Variants in PRKAR2B observed in about 807,000 individuals in gnomAD.
PRKAR2B encodes the protein protein kinase cAMP-dependent type II regulatory subunit beta.
Under a neutral mutation model 49.9 loss-of-function variants are expected in PRKAR2B, and 14 were observed. The observed-to-expected ratio is 0.28, with a 90% CI of 0.19 to 0.44. The LOEUF (loss-of-function observed/expected upper bound fraction) is 0.44. Ranked by LOEUF, PRKAR2B falls within the 20% of genes least tolerant of loss-of-function variation. PRKAR2B has a pLI of 1.00. For missense variants in PRKAR2B, 393 were observed against 537.9 expected (o/e 0.73, Z 2.67); for synonymous variants, 196 against 197.7 (o/e 0.99, Z 0.07).
chr7:107,066,301 G>GGGGGGGGTGT (rs147673007), intron 1 of PRKAR2B, among the ~76,000 whole-genome samples: 59 of 145,594 alleles, frequency 4.1e-4, no homozygotes, highest in African/African-American at 1.4e-3. Context: ...CTCTATGTGG[G>GGGGGGGGTGT]GTGTGTGTGT....
chr7:107,119,878 C>T (rs932946899), intron 2 of PRKAR2B, among the ~76,000 whole-genome samples: 3 of 152,168 alleles, frequency 2.0e-5, no homozygotes, highest in Non-Finnish European at 2.9e-5. Flanking sequence ...CATGACTGGT[C>T]CATTCCTGTT....
intron 2 of PRKAR2B, among the ~76,000 whole-genome samples, chr7:107,093,401 T>C (rs1794768585): frequency 6.6e-6 from 1 of 152,220 alleles, no homozygotes; most frequent in African/African-American, 2.4e-5. Flanking sequence ...TTTTTGATAA[T>C]AGCCAACCTA....
At chr7:107,069,088 C>T (rs1794211788) in intron 1 of PRKAR2B, among the ~76,000 whole-genome samples, 1 of 152,152 alleles carries the variant, frequency 6.6e-6, no homozygotes, top group Non-Finnish European at 1.5e-5. Flanking sequence ...GCACCTGTCA[C>T]CATGCCCGGC....
chr7:107,084,850 C>T (rs1794586382), intron 2 of PRKAR2B, among the ~76,000 whole-genome samples: 1 of 151,952 alleles, frequency 6.6e-6, no homozygotes, highest in South Asian at 2.1e-4. Context: ...TGGTCTCGAT[C>T]TCCTGACCTG....
chr7:107,065,830 T>C (rs1433146238), intron 1 of PRKAR2B, among the ~76,000 whole-genome samples: 1 of 152,124 alleles, frequency 6.6e-6, no homozygotes, highest in Non-Finnish European at 1.5e-5. Context: ...CAGTTCCTGC[T>C]GGCCTGGTGC....
At chr7:107,109,606 A>T (rs1795137174) in intron 2 of PRKAR2B, among the ~76,000 whole-genome samples, 1 of 152,024 alleles carries the variant, frequency 6.6e-6, no homozygotes, top group African/African-American at 2.4e-5. Flanking sequence ...AAGCCCTGTT[A>T]ATCTCCTATC....
chr7:107,091,824 T>C (rs950058433), intron 2 of PRKAR2B: 1 of 152,196 alleles, frequency 6.6e-6, no homozygotes, highest in South Asian at 2.1e-4. Context: ...TTGCCTCATA[T>C]GTTGTTTAGA....
At chr7:107,152,622 A>G (rs935196899) in intron 7 of PRKAR2B, among the ~76,000 whole-genome samples, 1 of 152,248 alleles carries the variant, frequency 6.6e-6, no homozygotes, top group African/African-American at 2.4e-5. Context: ...AATTAAAGAC[A>G]GGCATATATA....
At chr7:107,066,300 G>GC (rs1794142272) in intron 1 of PRKAR2B, among the ~76,000 whole-genome samples, 2 of 119,402 alleles carry the variant, frequency 1.7e-5, no homozygotes, top group African/African-American at 7.4e-5. Flanking sequence ...TCTCTATGTG[G>GC]GGTGTGTGTG....
chr7:107,102,856 A>T (rs756275233), intron 2 of PRKAR2B, among the ~76,000 whole-genome samples: 8 of 152,072 alleles, frequency 5.3e-5, no homozygotes, highest in Non-Finnish European at 8.8e-5. Context: ...TTTTTAGTGG[A>T]GATGGGGTTT....
intron 2 of PRKAR2B, among the ~76,000 whole-genome samples, chr7:107,095,070 G>A (rs1291126191): frequency 6.6e-6 from 1 of 152,152 alleles, no homozygotes; most frequent in Non-Finnish European, 1.5e-5. Flanking sequence ...GATTGGGATG[G>A]CGTTGAGTCT....
At chr7:107,114,778 A>G (rs1477369640) in intron 2 of PRKAR2B, among the ~76,000 whole-genome samples, 2 of 152,110 alleles carry the variant, frequency 1.3e-5, no homozygotes, top group East Asian at 1.9e-4. Flanking sequence ...ACCCTTCCCA[A>G]TAGTGTCCTG....
At chr7:107,126,268 A>T (rs1316153087) in intron 3 of PRKAR2B, among the ~76,000 whole-genome samples, 1 of 140,828 alleles carries the variant, frequency 7.1e-6, no homozygotes, top group Non-Finnish European at 1.5e-5. Context: ...AAAAAAAAAA[A>T]ACCAAAGCCA....
At chr7:107,058,179 T>C (rs1793951708) in intron 1 of PRKAR2B, among the ~76,000 whole-genome samples, 1 of 152,168 alleles carries the variant, frequency 6.6e-6, no homozygotes, top group African/African-American at 2.4e-5. Flanking sequence ...AGTCTCCAAG[T>C]TTATGGTCTT....
chr7:107,104,810 C>T (rs969345185), intron 2 of PRKAR2B, among the ~76,000 whole-genome samples: 6 of 152,090 alleles, frequency 3.9e-5, no homozygotes, highest in African/African-American at 1.4e-4. Flanking sequence ...GAAAGTACCC[C>T]TTAAGTCTAA....
chr7:107,126,226 T>A, intron 3 of PRKAR2B, among the ~76,000 whole-genome samples: 1 of 126,782 alleles, frequency 7.9e-6, no homozygotes. Flanking sequence ...AACCCGTCTC[T>A]ACTAAAAATA....
chr7:107,099,587 C>T (rs959966375), intron 2 of PRKAR2B, among the ~76,000 whole-genome samples: 5 of 152,072 alleles, frequency 3.3e-5, no homozygotes, highest in Admixed American at 3.3e-4. Flanking sequence ...GTTGCTCACC[C>T]TGGGAGCTGT....
chr7:107,061,185 T>C (rs1425715567), intron 1 of PRKAR2B, among the ~76,000 whole-genome samples: 2 of 152,138 alleles, frequency 1.3e-5, no homozygotes, highest in Non-Finnish European at 2.9e-5. Context: ...CTCTCACTTT[T>C]TTTTTTGCTT....
intron 4 of PRKAR2B, 125 bp downstream of exon 4, chr7:107,128,420 C>T: frequency 1.6e-6 from 1 of 631,252 alleles, no homozygotes; most frequent in Non-Finnish European, 2.7e-6. Context: ...TGGTAAAGGC[C>T]CCCTTGCGGA....
Sources: allele counts gnomAD v4.1 joint callset (sites outside exome capture counted in the v4.1 genomes callset), GRCh38; gene constraint gnomAD v4.1.1; transcripts MANE v1.5; gene names NCBI Gene and HGNC (gene_info 2026-07-23, HGNC 2026-07-21).